The following CSTF2 variants were observed in gnomAD, a reference collection of about 807,000 sequenced individuals.
CSTF2 encodes the protein cleavage stimulation factor subunit 2, also known as CF-1 64 kDa subunit.
CSTF2 carries 8 observed loss-of-function variants against 45.4 expected under a neutral mutation model. The observed-to-expected ratio is 0.18, with a 90% CI of 0.10 to 0.32. The LOEUF (loss-of-function observed/expected upper bound fraction) is 0.32, where lower values mean the gene tolerates loss of function less well. CSTF2 is among the 10% of genes least tolerant of loss of function. The pLI is 1.00. For synonymous variants in CSTF2, 155 were observed against 158.9 expected (o/e 0.98, Z 0.18); for missense variants, 253 against 477.1 (o/e 0.53, Z 4.38).
intron 6 of CSTF2, 128 bp from the exon 7 acceptor site, chrX:100,826,506 C>A: frequency 1.8e-6 from 1 of 567,049 alleles, no homozygotes; most frequent in Non-Finnish European, 2.8e-6. Flanking sequence ...ATAAGACATG[C>A]CATACAAAAA....
chrX:100,823,593 G>A (rs1050832566), intron 4 of CSTF2, among the ~76,000 whole-genome samples, 165 bp downstream of exon 4: 2 of 112,655 alleles, frequency 1.8e-5, no homozygotes, highest in African/African-American at 6.4e-5. Context: ...TGTACAAAGA[G>A]CTTTCTATTT....
At chrX:100,830,727 C>T (rs893420622) in intron 8 of CSTF2, 1 of 723,623 alleles carries the variant, frequency 1.4e-6, no homozygotes, top group Non-Finnish European at 2.1e-6. Flanking sequence ...TCTCAATCTC[C>T]ATGTGTGTGT....
rs2084946989 is a variant in CSTF2 at position 100,826,679 on chromosome X, A to G, written c.748A>G (p.Met250Val). 1.7e-6 allele frequency: 2 copies of G among 1,208,616 alleles called. No homozygotes were observed. The highest frequency in any genetic ancestry group is 2.2e-6 in the Non-Finnish European group (2 of 894,465). ...CGCACCTCCTCTGATGCAAGCTTCT[A>G]TGCAGGGTGGAGTTCCAGCACCAGG... ...NGAPPLMQAS[M>V]QGGVPAPGQM... is the part of the protein sequence containing the mutation. Residue 250 changes from methionine (M) to valine (V), a missense_variant, in exon 7 of 14, where the codon ATG (methionine) becomes GTG (valine). Transcript: ENST00000372972.
chrX:100,824,886 C>G (rs2147887665), intron 6 of CSTF2, among the ~76,000 whole-genome samples: 1 of 112,300 alleles, frequency 8.9e-6, no homozygotes, highest in South Asian at 3.7e-4. Context: ...GTGGTACATT[C>G]ATCCAGTGAA....
intron 11 of CSTF2, among the ~76,000 whole-genome samples, chrX:100,834,153 G>C (rs992697789): frequency 6.3e-5 from 7 of 111,569 alleles, no homozygotes; most frequent in African/African-American, 2.3e-4. Flanking sequence ...GAGGTGGTAT[G>C]TGTGTTTCTT....
intron 9 of CSTF2, 94 bp downstream of exon 9, chrX:100,831,750 G>A: frequency 2.1e-6 from 2 of 968,557 alleles, no homozygotes; most frequent in Non-Finnish European, 2.9e-6. Context: ...GTACCTGTTT[G>A]CCTACTTCAA....
intron 11 of CSTF2, 121 bp from the exon 12 acceptor site, chrX:100,837,218 A>G: frequency 4.8e-6 from 2 of 416,741 alleles, no homozygotes; most frequent in Non-Finnish European, 8.2e-6. Flanking sequence ...CTTCAGAGTC[A>G]TTGATTTGCT....
At chrX:100,838,090 G>C in intron 12 of CSTF2, 149 bp from the exon 13 acceptor site, 1 of 487,493 alleles carries the variant, frequency 2.1e-6, no homozygotes, top group Non-Finnish European at 3.1e-6. Flanking sequence ...GTTTTTTTCT[G>C]TGTGAAATGT....
At chrX:100,827,146 A>G (rs2084949509) in intron 7 of CSTF2, among the ~76,000 whole-genome samples, 1 of 112,340 alleles carries the variant, frequency 8.9e-6, no homozygotes, top group South Asian at 3.7e-4. Flanking sequence ...GCTAAATATG[A>G]ATGAACTGTC....
chrX:100,838,233 G>A lies in CSTF2; in HGVS notation c.1612-6G>A, dbSNP rs760188249. On this transcript the variant is annotated splice_polypyrimidine_tract_variant and splice_region_variant and intron_variant, in intron 12 of 13. Coordinates refer to ENST00000372972, the MANE Select transcript of CSTF2 (RefSeq NM_001325.3). ...ACTCACTACCTTTTTTTTTTCCTCT[G>A]CACAGGCTGCTTTGATTATGCAGGT... The A allele has an allele frequency of 9.6e-6, 11 of 1,149,938 alleles. No individual in the cohort carries two copies. In the African/African-American group the frequency reaches 2.1e-4, roughly 22 times the overall value. The allele number at this position is 1,149,938 out of a possible 1,213,427, so 94.8% of individuals were successfully genotyped here.
At position 100,832,826 on chromosome X, in the gene CSTF2, G is replaced by C. The variant is rs2084984067; in HGVS notation, c.1124G>C (p.Gly375Ala). The C allele has an allele frequency of 8.3e-7, 1 of 1,208,493 alleles. No individual in the cohort carries two copies. The highest frequency in any genetic ancestry group is 1.1e-6 in the Non-Finnish European group (1 of 894,391). The change falls in exon 10 of 14, where the codon GGG (glycine) becomes GCG (alanine). Residue 375 changes from glycine (G) to alanine (A), a missense_variant. Transcript: ENST00000372972. ...RGPPPHELRG[G>A]PLPEPRPLMA... ...CCACCCCCACATGAACTGAGGGGAG[G>C]GCCATTACCCGAGCCCAGACCTCTA... is the stretch of plus-strand genomic sequence containing the variant.
intron 7 of CSTF2, 85 bp from the exon 8 acceptor site, chrX:100,827,955 A>G: frequency 1.3e-6 from 1 of 781,443 alleles, no homozygotes; most frequent in Non-Finnish European, 1.9e-6. Flanking sequence ...CAGAATGAGG[A>G]AATTTGTAAA....
At chrX:100,832,582 CTG>C (rs2084982420) in intron 9 of CSTF2, 150 bp from the exon 10 acceptor site, 2 of 482,405 alleles carry the variant, frequency 4.1e-6, no homozygotes, top group African/African-American at 2.4e-5. Context: ...ATTTATATCT[CTG>C]TAGCTTTTCT....
chrX:100,836,723 T>G (rs2085010839), intron 11 of CSTF2, among the ~76,000 whole-genome samples: 1 of 112,232 alleles, frequency 8.9e-6, no homozygotes, highest in South Asian at 3.7e-4. Flanking sequence ...CAGTCAGTCA[T>G]ATTTTTTGGT....
chrX:100,834,699 C>T (rs1444551019), intron 11 of CSTF2, among the ~76,000 whole-genome samples: 1 of 112,333 alleles, frequency 8.9e-6, no homozygotes, highest in Admixed American at 9.4e-5. Context: ...ATTTATTGAG[C>T]ACCTACTATG....
At chrX:100,820,511 G>C in intron 1 of CSTF2, 37 bp downstream of exon 1, 1 of 1,154,942 alleles carries the variant, frequency 8.7e-7, no homozygotes, top group Non-Finnish European at 1.2e-6. Context: ...TTCGGGGAGG[G>C]ACTCCCCTCT....
Position 100,834,566 on chromosome X carries a change from G to A in CSTF2, c.1500+1094G>A, listed in dbSNP as rs144830058. Among the ~76,000 whole-genome samples, 168 of 112,234 alleles carry A rather than the reference G, an allele frequency of 1.5e-3. 1 individual carries two copies. The highest frequency in any genetic ancestry group is 5.2e-3 in the African/African-American group (161 of 30,894). On this transcript the variant is annotated intron_variant, in intron 11 of 13. Transcript: ENST00000372972. Reference sequence around the variant, plus strand: ...ATAGAGGGTTTTTTTGCTATGTGTAGAATAAAACTGTTCTCTATTGTGTTT... The same window carrying A: ...ATAGAGGGTTTTTTTGCTATGTGTAAAATAAAACTGTTCTCTATTGTGTTT...
At chrX:100,839,745 A>G (rs933879802) in intron 13 of CSTF2, among the ~76,000 whole-genome samples, 5 of 111,581 alleles carry the variant, frequency 4.5e-5, no homozygotes, top group Non-Finnish European at 9.4e-5. Flanking sequence ...TATTACATTC[A>G]GAGGAATAAA....
intron 7 of CSTF2, 32 bp from the exon 8 acceptor site, chrX:100,828,008 G>T (rs1285939966): frequency 1.7e-6 from 2 of 1,169,707 alleles, no homozygotes. Flanking sequence ...GTTCTAATTG[G>T]TGTTTTTTCT....
Sources: gnomAD v4.1 joint callset for allele counts (sites outside exome capture counted in the v4.1 genomes callset) on GRCh38, gnomAD v4.1.1 for gene constraint, MANE v1.5 for transcripts, NCBI Gene and HGNC (gene_info 2026-07-23, HGNC 2026-07-21) for gene names.